Variants in KIF15 observed in about 807,000 individuals in gnomAD.
The protein encoded by KIF15 is kinesin-like protein KIF15.
A neutral mutation model predicts 190.6 loss-of-function variants in KIF15; 140 were observed. That is an observed-to-expected ratio of 0.73 (90% CI 0.64 to 0.84). The LOEUF (loss-of-function observed/expected upper bound fraction) is 0.84. KIF15 is among the 40% of genes least tolerant of loss of function. KIF15 has a pLI of 0.00. For missense variants in KIF15, 1,372 were observed against 1,584.4 expected (o/e 0.87, Z 2.28); for synonymous variants, 528 against 551.3 (o/e 0.96, Z 0.59).
chr3:44,843,473 G>A (rs2125718715), intron 30 of KIF15, among the ~76,000 whole-genome samples: 1 of 152,290 alleles, frequency 6.6e-6, no homozygotes, highest in Non-Finnish European at 1.5e-5. Flanking sequence ...TTTAAAACAT[G>A]TGAGATACTT....
intron 7 of KIF15, among the ~76,000 whole-genome samples, chr3:44,792,553 T>C (rs1706762449): frequency 6.6e-6 from 1 of 151,890 alleles, no homozygotes; most frequent in East Asian, 1.9e-4. Flanking sequence ...ACGAATTTTT[T>C]TTTTTTTTTT....
At chr3:44,868,299 T>C (rs1294691285) in intron 6 of KIF15, among the ~76,000 whole-genome samples, 1 of 152,242 alleles carries the variant, frequency 6.6e-6, no homozygotes, top group Non-Finnish European at 1.5e-5. Flanking sequence ...TATTCATTCC[T>C]TTTTATGACT....
At chr3:44,822,750 G>T (rs1697416789) in intron 20 of KIF15, among the ~76,000 whole-genome samples, 1 of 151,802 alleles carries the variant, frequency 6.6e-6, no homozygotes, top group African/African-American at 2.4e-5. Context: ...TTATTTCATT[G>T]ATTTGATCTT....
chr3:44,841,258 A>T lies in KIF15; in HGVS notation c.3585+20A>T. 1 of 1,581,504 alleles carries T rather than the reference A, an allele frequency of 6.3e-7. No homozygotes were observed. The highest frequency in any genetic ancestry group is 1.4e-5 in the African/African-American group (1 of 72,918). On this transcript the variant is annotated intron_variant, in intron 29 of 34. Coordinates refer to ENST00000326047, the MANE Select transcript of KIF15 (RefSeq NM_020242.3). The stretch of plus-strand genomic sequence containing the variant: ...ATGAAGGTAATTGGATTTTTTTTCC[A>T]GTAAATTTAATTATTTTTAAAGAGA...
intron 1 of KIF15, among the ~76,000 whole-genome samples, chr3:44,771,209 A>C (rs529365272): frequency 6.6e-6 from 1 of 152,230 alleles, no homozygotes; most frequent in African/African-American, 2.4e-5. Context: ...TCTGTGGTTT[A>C]TAATAACTTA....
intron 6 of KIF15, among the ~76,000 whole-genome samples, chr3:44,858,948 G>A (rs1039089177): frequency 2.0e-5 from 3 of 152,244 alleles, no homozygotes; most frequent in African/African-American, 7.2e-5. Flanking sequence ...GTCTTCAGCT[G>A]CTAAGCTGAG....
At chr3:44,831,342 A>G (rs1044633464) in intron 26 of KIF15, among the ~76,000 whole-genome samples, 1 of 152,180 alleles carries the variant, frequency 6.6e-6, no homozygotes, top group Non-Finnish European at 1.5e-5. Flanking sequence ...GTATTATTGT[A>G]TAGTGTATAA....
chr3:44,814,817 C>T (rs140864741), intron 19 of KIF15, 94 bp from the exon 20 acceptor site: 48 of 953,656 alleles, frequency 5.0e-5, no homozygotes, highest in South Asian at 1.4e-4. Context: ...ATAGTCTCTT[C>T]GACTTGATTT....
At chr3:44,812,615 C>A (rs10510744) in intron 18 of KIF15, among the ~76,000 whole-genome samples, 2,830 of 152,270 alleles carry the variant, frequency 0.019, 75 homozygotes, top group African/African-American at 0.063. Flanking sequence ...AGTTGTTAAT[C>A]ATCTTTACTG....
intron 14 of KIF15, 131 bp downstream of exon 14, chr3:44,803,122 C>A: frequency 1.7e-6 from 1 of 605,544 alleles, no homozygotes; most frequent in Non-Finnish European, 2.6e-6. Flanking sequence ...TACACATATT[C>A]TTTTATATTA....
chr3:44,835,613 A>C (rs1023462415), intron 26 of KIF15, among the ~76,000 whole-genome samples: 33 of 152,208 alleles, frequency 2.2e-4, no homozygotes, highest in African/African-American at 7.7e-4. Context: ...TTTACCAACA[A>C]AACTTAGAAA....
At chr3:44,818,078 T>C (rs577825606) in intron 20 of KIF15, among the ~76,000 whole-genome samples, 1 of 152,348 alleles carries the variant, frequency 6.6e-6, no homozygotes, top group East Asian at 1.9e-4. Flanking sequence ...CTTGTGATTT[T>C]TGCACATTGA....
Position 44,848,023 on chromosome 3 carries a change from A to C in KIF15, c.3734A>C (p.Glu1245Ala), listed in dbSNP as rs1201287181. The change falls in exon 31 of 35, where the codon GAA becomes GCA. Residue 1245 changes from glutamate to alanine, a missense_variant. Glu to Ala is a moderately radical substitution (Grantham distance 107). Coordinates refer to ENST00000326047, the MANE Select transcript of KIF15 (RefSeq NM_020242.3). ...NHPDNQQLKNEQEESIKERLA... is the reference protein window; with the variant it reads ...NHPDNQQLKNAQEESIKERLA... Reference sequence around the variant, plus strand: ...CCAGATAATCAACAGCTGAAGAATGAACAAGAAGAAAGTATCAAAGAAAGA... The same window carrying C: ...CCAGATAATCAACAGCTGAAGAATGCACAAGAAGAAAGTATCAAAGAAAGA... 3.7e-6 allele frequency: 6 copies of C among 1,611,726 alleles called. No individual in the cohort carries two copies. In the South Asian group the frequency reaches 6.6e-5, roughly 18 times the overall value.
chr3:44,802,018 T>C, intron 13 of KIF15, 44 bp downstream of exon 13: 1 of 1,365,352 alleles, frequency 7.3e-7, no homozygotes, highest in South Asian at 1.4e-5. Context: ...TAAAAGAAGT[T>C]CAAAGCAAAT....
At chr3:44,865,126 A>G in intron 6 of KIF15, 1 of 1,614,058 alleles carries the variant, frequency 6.2e-7, no homozygotes, top group Admixed American at 1.7e-5. Context: ...GACTCACCCT[A>G]ATCCACAGGA....
intron 7 of KIF15, among the ~76,000 whole-genome samples, chr3:44,792,060 G>A (rs1706734050): frequency 9.5e-6 from 1 of 105,546 alleles, no homozygotes; most frequent in Non-Finnish European, 1.9e-5. Flanking sequence ...GTCTCAGTTT[G>A]GAGGATCTCT....
chr3:44,821,380 G>A (rs78851194), intron 20 of KIF15, among the ~76,000 whole-genome samples: 2 of 151,558 alleles, frequency 1.3e-5, no homozygotes, highest in African/African-American at 4.9e-5. Flanking sequence ...GGCGGCTTCC[G>A]GGCGGAGGGG....
chr3:44,768,421 A>G (rs1187009552), intron 1 of KIF15, among the ~76,000 whole-genome samples: 1 of 152,170 alleles, frequency 6.6e-6, no homozygotes, highest in East Asian at 1.9e-4. Flanking sequence ...AATTTATTAA[A>G]AGGAAGCTCT....
intron 29 of KIF15, among the ~76,000 whole-genome samples, chr3:44,841,588 C>A (rs912493815): frequency 1.3e-5 from 2 of 151,884 alleles, no homozygotes; most frequent in African/African-American, 2.4e-5. Flanking sequence ...CTAGTAGAGA[C>A]GGAGTTTCAC....
Sources: allele counts gnomAD v4.1 joint callset (sites outside exome capture counted in the v4.1 genomes callset), GRCh38; gene constraint gnomAD v4.1.1; transcripts MANE v1.5; gene names NCBI Gene and HGNC (gene_info 2026-07-23, HGNC 2026-07-21).